NOS1: variants seen among roughly 807,000 people sequenced by gnomAD.
The protein encoded by NOS1 is NOS type I.
NOS1 carries 51 observed loss-of-function variants against 164.5 expected under a neutral mutation model. That is an observed-to-expected ratio of 0.31 (90% CI 0.25 to 0.39). The LOEUF is 0.39. NOS1 is among the 10% of genes least tolerant of loss of function. The pLI is 1.00. For synonymous variants in NOS1, 719 were observed against 745.8 expected (o/e 0.96, Z 0.59); for missense variants, 1,362 against 1,885.6 (o/e 0.72, Z 5.14).
In NOS1 at chr12:117,243,283, G is replaced by A. The variant is rs1458869548; in HGVS notation, c.2962+14C>T. 6.2e-7 allele frequency: 1 copy of A among 1,613,796 alleles called. No individual in the cohort carries two copies. Among genetic ancestry groups the A allele is most frequent in the Admixed American group, 1.7e-5 (1 of 60,014 alleles). ...TTGTCACGAATACCTCCCTGGAAGG[G>A]TGGTGGGAGGTACCTTGTGTGAGTT... is the stretch of plus-strand genomic sequence containing the variant. On this transcript the variant is annotated intron_variant, in intron 19 of 28. Transcript: ENST00000317775. The surrounding 1 kb of genome is among the most constrained non-coding windows in gnomAD (Gnocchi z 4.3).
rs1956513777 is a variant in NOS1 at position 117,210,704 on chromosome 12, T to C, written c.*4605A>G. 2.0e-6 allele frequency: 2 copies of C among 985,324 alleles called. No homozygotes were observed. Among genetic ancestry groups the C allele is most frequent in the African/African-American group, 3.5e-5 (2 of 57,240 alleles). The allele number at this position is 985,324 out of a possible 1,614,324, so 61.0% of individuals were successfully genotyped here. A position where few individuals can be genotyped will look rare whatever the true frequency, so the allele number is the denominator to read the frequency against. On this transcript the variant is annotated 3_prime_UTR_variant, in exon 29 of 29. Transcript: ENST00000317775. ...TGAGCTTAGGGCAAGACCTGACCTCTTTCAAAGTCCAGAGCAGGCAGCTGC... is the reference window on the plus strand; with the variant it reads ...TGAGCTTAGGGCAAGACCTGACCTCCTTCAAAGTCCAGAGCAGGCAGCTGC...
chr12:117,320,618 AG>A (rs1209332291), intron 2 of NOS1, among the ~76,000 whole-genome samples: 1 of 152,208 alleles, frequency 6.6e-6, no homozygotes, highest in East Asian at 1.9e-4. Context: ...TTTGTTATGC[AG>A]CCATAGGAAG....
At chr12:117,246,110 C>G (rs1480327451) in intron 18 of NOS1, 1 of 157,744 alleles carries the variant, frequency 6.3e-6, no homozygotes, top group Non-Finnish European at 1.5e-5. Flanking sequence ...ATCAATTAGA[C>G]ATGCATGGCA....
rs149094648 is a variant in NOS1 at position 117,331,089 on chromosome 12, G to T, written c.-20C>A. 8 of 1,594,164 alleles carry T rather than the reference G, an allele frequency of 5.0e-6. No homozygotes were observed. In the South Asian group the frequency reaches 8.1e-5, roughly 16 times the overall value. On this transcript the variant is annotated 5_prime_UTR_variant, in exon 2 of 29. Transcript: ENST00000317775. ...CTCCATGGTAACTAGCTTCCGAGGG[G>T]TCCTGTCTGAAGACCTCACAATGCT...
chr12:117,265,456 G>T lies in NOS1; in HGVS notation c.1996C>A (p.His666Asn). The T allele has an allele frequency of 6.3e-7, 1 of 1,584,552 alleles. No individual in the cohort carries two copies. The highest frequency in any genetic ancestry group is 1.8e-5 in the Admixed American group (1 of 55,524). The change falls in exon 12 of 29, where the codon CAC becomes AAC. Residue 666 changes from histidine (H) to asparagine (N), a missense_variant. By Grantham distance (68) the His-to-Asn change is moderately conservative (BLOSUM62 1). Around this residue, in one of 4 missense-constraint regions of NOS1, gnomAD observed 737 missense variants for 1,030.3 expected, o/e 0.72. Transcript: ENST00000317775. ...HHSATESFIK[H>N]MENEYRCRGG... The stretch of plus-strand genomic sequence containing the variant: ...CGGCAGCGGTACTCATTCTCCATGT[G>T]CTTAATGAAGGACTCGGTGGCGGAG...
intron 24 of NOS1, among the ~76,000 whole-genome samples, chr12:117,226,380 G>A (rs1055626114): frequency 4.6e-5 from 7 of 152,200 alleles, no homozygotes; most frequent in African/African-American, 1.4e-4. Flanking sequence ...TAGCCCATAC[G>A]GTCCATGAAG....
chr12:117,227,480 G>A lies in NOS1; in HGVS notation c.3567C>T (p.Tyr1189=), dbSNP rs1281968076. ...YYSISSSPDM[Y]PDEVHLTVAI... ...CCACAGTGAGGTGCACTTCATCAGG[G>A]TACATGTCTGGGGAGGAGCTGATGG... Residue 1189 remains tyrosine (Y), a synonymous_variant, in exon 23 of 29, where the codon TAC becomes TAT. Coordinates refer to ENST00000317775, the MANE Select transcript of NOS1 (RefSeq NM_000620.5). 3 of 1,613,626 alleles carry A rather than the reference G, an allele frequency of 1.9e-6. 1 individual carries two copies. The South Asian group carries it at 3.3e-5, about 18-fold the overall frequency.
chr12:117,224,668 A>G (rs1868494141), intron 25 of NOS1, among the ~76,000 whole-genome samples: 1 of 152,218 alleles, frequency 6.6e-6, no homozygotes, highest in African/African-American at 2.4e-5. Context: ...TGTCTTTCAC[A>G]TAGCACTTGC....
chr12:117,358,393 C>T (rs1347493343), intron 1 of NOS1, among the ~76,000 whole-genome samples: 1 of 152,132 alleles, frequency 6.6e-6, no homozygotes, highest in East Asian at 1.9e-4. Context: ...TGGGGACTGG[C>T]TTTGGCCATT....
At chr12:117,276,027 G>GT (rs1873150390) in intron 9 of NOS1, among the ~76,000 whole-genome samples, 1 of 151,992 alleles carries the variant, frequency 6.6e-6, no homozygotes, top group African/African-American at 2.4e-5. Flanking sequence ...GTTCTGTAGA[G>GT]TTTTTTAATT....
intron 5 of NOS1, among the ~76,000 whole-genome samples, chr12:117,287,006 G>A (rs187547612): frequency 2.0e-4 from 30 of 152,322 alleles, no homozygotes; most frequent in Admixed American, 1.8e-3. Context: ...CTTGAGGCTA[G>A]GAATTTGAGA....
Position 117,214,504 on chromosome 12 carries a change from AT to A in NOS1, c.*804del. 1.0e-6 allele frequency: 1 copy of A among 985,394 alleles called. No individual in the cohort carries two copies. Among genetic ancestry groups the A allele is most frequent in the Non-Finnish European group, 1.2e-6 (1 of 829,936 alleles). The allele number at this position is 985,394 out of a possible 1,614,324, so 61.0% of individuals were successfully genotyped here. ...TTTGGGGAGGGGATTTGCACAATCC[AT>A]TGGATGGGTTCATGTCACATGAGGG... On this transcript the variant is annotated 3_prime_UTR_variant, in exon 29 of 29. Transcript: ENST00000317775.
Position 117,309,360 on chromosome 12 carries a change from G to A in NOS1, c.852+2106C>T, listed in dbSNP as rs117312508. 7.4e-5 allele frequency: 73 copies of A among 984,350 alleles called. No homozygotes were observed. The East Asian group carries it at 7.1e-3, about 96-fold the overall frequency. 61.0% of individuals were successfully genotyped at this position (984,350 alleles called of 1,614,324 possible). A position where few individuals can be genotyped will look rare whatever the true frequency, so the allele number is the denominator to read the frequency against. On this transcript the variant is annotated intron_variant, in intron 3 of 28. Transcript: ENST00000317775. ...CTTATCTTCCTGGCCAGCCATCAGC[G>A]GCTAAGGAAAGCAGTTACCACCAAG... is the stretch of plus-strand genomic sequence containing the variant.
chr12:117,226,390 G>A (rs1217159330), intron 24 of NOS1, among the ~76,000 whole-genome samples: 1 of 152,132 alleles, frequency 6.6e-6, no homozygotes, highest in Non-Finnish European at 1.5e-5. Context: ...GGTCCATGAA[G>A]GTGGAGACTG....
Position 117,212,545 on chromosome 12 carries a change from G to C in NOS1, c.*2764C>G, listed in dbSNP as rs181477006. The C allele has an allele frequency of 1.4e-3, 1,407 of 985,388 alleles. 11 individuals carry two copies. The highest frequency in any genetic ancestry group is 1.2e-3 in the Non-Finnish European group (1,005 of 829,928). 61.0% of individuals were successfully genotyped at this position (985,388 alleles called of 1,614,324 possible). On this transcript the variant is annotated 3_prime_UTR_variant, in exon 29 of 29. Coordinates refer to ENST00000317775, the MANE Select transcript of NOS1 (RefSeq NM_000620.5). ...TGATGGCAGGTGAGCATGATGTTCC[G>C]GTGTTCCTATTTCAGGAGACGTCTC...
chr12:117,294,287 G>A (rs1873267521), intron 3 of NOS1, among the ~76,000 whole-genome samples: 1 of 152,146 alleles, frequency 6.6e-6, no homozygotes, highest in South Asian at 2.1e-4. Context: ...GCGTGAGGAG[G>A]AGGAGCAGGG....
intron 1 of NOS1, among the ~76,000 whole-genome samples, chr12:117,342,607 G>C (rs200297807): frequency 2.0e-5 from 3 of 152,164 alleles, no homozygotes; most frequent in East Asian, 1.9e-4. Flanking sequence ...GTCATCAGGG[G>C]CTGGATCATC....
At chr12:117,335,824 T>C (rs57281264) in intron 1 of NOS1, among the ~76,000 whole-genome samples, 1 of 147,874 alleles carries the variant, frequency 6.8e-6, no homozygotes, top group Non-Finnish European at 1.5e-5. Flanking sequence ...CCTCAAGTGA[T>C]CCTCTTGCCT....
intron 2 of NOS1, among the ~76,000 whole-genome samples, chr12:117,329,521 G>A (rs1330982879): frequency 1.3e-5 from 2 of 151,980 alleles, no homozygotes; most frequent in Non-Finnish European, 2.9e-5. Flanking sequence ...CCAGACCTAA[G>A]ATGCAAATGG....
Sources: gnomAD v4.1 joint callset for allele counts (sites outside exome capture counted in the v4.1 genomes callset) on GRCh38, gnomAD v4.1.1 for gene constraint, gnomAD v4.1.1 regional missense constraint, Gnocchi (gnomAD v3.1) non-coding constraint, MANE v1.5 for transcripts, NCBI Gene and HGNC (gene_info 2026-07-23, HGNC 2026-07-21) for gene names.